JCAD: variants seen among roughly 807,000 people sequenced by gnomAD.
JCAD encodes the protein junctional cadherin 5-associated protein.
A neutral mutation model predicts 98.0 loss-of-function variants in JCAD; 40 were observed. The ratio of observed to expected loss-of-function variants is 0.41; its 90% CI spans 0.32 to 0.53. JCAD has a LOEUF of 0.53. JCAD is among the 20% of genes least tolerant of loss of function. JCAD has a pLI of 0.31. For missense variants in JCAD, 1,705 were observed against 1,738.1 expected (o/e 0.98, Z 0.34); for synonymous variants, 691 against 682.3 (o/e 1.01, Z -0.20).
At chr10:30,108,312 TA>T (rs59735299) in intron 1 of JCAD, among the ~76,000 whole-genome samples, 37,293 of 141,988 alleles carry the variant, frequency 0.26, 4,937 homozygotes, top group East Asian at 0.34. Context: ...AACTCCATAT[TA>T]AAAAAAAAAA....
chr10:30,086,449 G>A (rs1425764144), intron 1 of JCAD, among the ~76,000 whole-genome samples: 1 of 152,228 alleles, frequency 6.6e-6, no homozygotes, highest in Non-Finnish European at 1.5e-5. Flanking sequence ...CCTACAGGAT[G>A]ATGTCAGTTG....
Position 30,026,661 on chromosome 10 carries a change from T to C in JCAD, c.3487A>G (p.Arg1163Gly), listed in dbSNP as rs1194392935. ...TGAGGAGCCCGCCTGGCACTGTCCC[T>C]GTCCCCTACAAAGAGAGGGCTCTTG... ...WTKSPLFVGD[R>G]DSARRAPQAF... The change falls in exon 3 of 4, where the codon AGG (arginine) becomes GGG (glycine). Residue 1163 changes from arginine to glycine, a missense_variant. Arg to Gly is a moderately radical substitution (Grantham distance 125, BLOSUM62 -2). Coordinates refer to ENST00000375377, the MANE Select transcript of JCAD (RefSeq NM_020848.4). 6.2e-7 allele frequency: 1 copy of C among 1,613,268 alleles called. No individual in the cohort carries two copies. The highest frequency in any genetic ancestry group is 8.5e-7 in the Non-Finnish European group (1 of 1,180,032).
chr10:30,064,828 C>T lies in JCAD; in HGVS notation n.250+4872G>A, dbSNP rs895682481. On this transcript the variant is annotated intron_variant and non_coding_transcript_variant, in intron 2 of 2. Transcript: ENST00000465712. ...CTGGGATTACAGGCACGTGCCACCA[C>T]GCCTGGTTAATTTTTGTATTTTTAG... Among the ~76,000 whole-genome samples the T allele has an allele frequency of 1.2e-4, 19 of 152,160 alleles. 1 individual carries two copies. The highest frequency in any genetic ancestry group is 1.2e-3 in the South Asian group (6 of 4,824).
At chr10:30,077,923 T>A (rs1303866600) in intron 1 of JCAD, among the ~76,000 whole-genome samples, 3 of 152,256 alleles carry the variant, frequency 2.0e-5, no homozygotes, top group Non-Finnish European at 4.4e-5. Context: ...TTGGGCTATA[T>A]ACCTAGAAGT....
At position 30,042,469 on chromosome 10, in the gene JCAD, C is replaced by T. The variant is rs552151536; in HGVS notation, c.281+5063G>A. On this transcript the variant is annotated intron_variant, in intron 2 of 3. Coordinates refer to ENST00000375377, the MANE Select transcript of JCAD (RefSeq NM_020848.4). ...TCAACTAAGAGATGCGGGCAGTTGA[C>T]AGCAGTGGGTTCTGAAGCTAAGCCA... Among the ~76,000 whole-genome samples, 3 of 152,274 alleles carry T rather than the reference C, an allele frequency of 2.0e-5. No homozygotes were observed. The East Asian group carries it at 5.8e-4, about 29-fold the overall frequency.
chr10:30,067,803 T>G (rs2132667431), intron 2 of JCAD, among the ~76,000 whole-genome samples: 1 of 152,316 alleles, frequency 6.6e-6, no homozygotes, highest in South Asian at 2.1e-4. Flanking sequence ...GTTAGGTGAT[T>G]TCATTGTTGT....
chr10:30,023,734 T>TA lies in JCAD; in HGVS notation c.4045+2368dup, dbSNP rs112357903. Among the ~76,000 whole-genome samples the TA allele has an allele frequency of 3.2e-3, 472 of 148,856 alleles. 3 individuals are homozygous for TA. The highest frequency in any genetic ancestry group is 0.011 in the African/African-American group (441 of 40,644). ...TTTTCTGCTTGTTAGTAGCAGTGGTTAAAAAAAAAACCCAAAAACGTCATG... is the reference window on the plus strand; with the variant it reads ...TTTTCTGCTTGTTAGTAGCAGTGGTTAAAAAAAAAAACCCAAAAACGTCATG... On this transcript the variant is annotated intron_variant, in intron 3 of 3. Transcript: ENST00000375377.
intron 1 of JCAD, among the ~76,000 whole-genome samples, chr10:30,083,756 G>C (rs995022558): frequency 6.6e-6 from 1 of 152,144 alleles, no homozygotes; most frequent in South Asian, 2.1e-4. Context: ...GGCTGGGCGC[G>C]ATACTCATGC....
intron 1 of JCAD, among the ~76,000 whole-genome samples, chr10:30,105,114 G>T (rs928668584): frequency 6.6e-6 from 1 of 152,180 alleles, no homozygotes; most frequent in Non-Finnish European, 1.5e-5. Flanking sequence ...ATTCCTAAAT[G>T]CACCCTCTTC....
At position 30,028,913 on chromosome 10, in the gene JCAD, C is replaced by G. The variant is rs201825224; in HGVS notation, c.1235G>C (p.Arg412Pro). 6.2e-7 allele frequency: 1 copy of G among 1,614,046 alleles called. No homozygotes were observed. Among genetic ancestry groups the G allele is most frequent in the Admixed American group, 1.7e-5 (1 of 60,012 alleles). Reference sequence around the variant, plus strand: ...GAAGCCGTCATAGGCAGTGACAGGTCGGGGATGTGCGGGGAGCCCCTGAGG... The same window carrying G: ...GAAGCCGTCATAGGCAGTGACAGGTGGGGGATGTGCGGGGAGCCCCTGAGG... ...RLPQGLPAHP[R>P]PVTAYDGFVQ... Residue 412 changes from arginine (R) to proline (P), a missense_variant, in exon 3 of 4, where the codon CGA becomes CCA. This residue lies in a region of JCAD where 1,278 missense variants were observed against 1,243.1 expected (regional missense o/e 1.03). Transcript: ENST00000375377.
chr10:30,071,183 G>T (rs1380414397), intron 1 of JCAD, among the ~76,000 whole-genome samples: 1 of 152,166 alleles, frequency 6.6e-6, no homozygotes, highest in African/African-American at 2.4e-5. Context: ...GGGATTACAG[G>T]CATAAGCCAC....
rs1183917587 is a variant in JCAD, at chr10:30,059,366, G to T, written c.-60+116C>A. 1 of 151,490 alleles carries T rather than the reference G, an allele frequency of 6.6e-6. No individual in the cohort carries two copies. Among genetic ancestry groups the T allele is most frequent in the Non-Finnish European group, 1.5e-5 (1 of 67,922 alleles). 9.4% of individuals were successfully genotyped at this position (151,490 alleles called of 1,614,324 possible). A position where few individuals can be genotyped will look rare whatever the true frequency, so the allele number is the denominator to read the frequency against. On this transcript the variant is annotated intron_variant, in intron 1 of 3. Coordinates refer to ENST00000375377, the MANE Select transcript of JCAD (RefSeq NM_020848.4). The surrounding 1 kb of genome is among the most constrained non-coding windows in gnomAD (Gnocchi z 5.0). ...CCAGGGTGGCTGGAACCGGAGCGAC[G>T]TCCCAGCTGGAGAAGTTGGGGGGAG...
intron 1 of JCAD, among the ~76,000 whole-genome samples, chr10:30,092,156 C>G (rs1376065241): frequency 9.0e-6 from 1 of 110,668 alleles, no homozygotes; most frequent in Non-Finnish European, 1.7e-5. Context: ...GCAAGAAGTT[C>G]TTTAAAGTTT....
intron 2 of JCAD, among the ~76,000 whole-genome samples, chr10:30,069,544 C>T (rs964395140): frequency 2.6e-5 from 4 of 151,852 alleles, no homozygotes; most frequent in African/African-American, 4.8e-5. Flanking sequence ...TGAGATCACA[C>T]CACTGCACTC....
chr10:30,033,177 C>T (rs959585975), intron 2 of JCAD, among the ~76,000 whole-genome samples: 4 of 152,142 alleles, frequency 2.6e-5, no homozygotes, highest in Non-Finnish European at 5.9e-5. Flanking sequence ...GAAATGTGAA[C>T]CTAAAACGCT....
Position 30,027,940 on chromosome 10 carries a change from G to C in JCAD, c.2208C>G (p.Phe736Leu), listed in dbSNP as rs770620720. The C allele has an allele frequency of 9.5e-5, 154 of 1,614,232 alleles. No homozygotes were observed. In the East Asian group the frequency reaches 3.4e-3, roughly 36 times the overall value. Reference protein sequence around the residue: ...AASEAQTHTAFPTGDHKQRPS... With the variant: ...AASEAQTHTALPTGDHKQRPS... ...GCCTCTGTTTGTGATCACCGGTAGG[G>C]AATGCTGTGTGCGTCTGAGCTTCGG... Residue 736 changes from phenylalanine (F) to leucine (L), a missense_variant, in exon 3 of 4, where the codon TTC (phenylalanine) becomes TTG (leucine). Transcript: ENST00000375377.
chr10:30,068,734 C>T (rs1837830184), intron 2 of JCAD, among the ~76,000 whole-genome samples: 1 of 152,238 alleles, frequency 6.6e-6, no homozygotes, highest in Non-Finnish European at 1.5e-5. Flanking sequence ...CAACCACCTC[C>T]TTATCTGACT....
At chr10:30,063,895 C>T (rs1007953533), upstream of JCAD, among the ~76,000 whole-genome samples, 2 of 151,900 alleles carry the variant, frequency 1.3e-5, no homozygotes, top group East Asian at 1.9e-4. Flanking sequence ...GCAACCTCCG[C>T]GTCAGGGTTC....
chr10:30,081,410 G>C (rs1454315988), intron 1 of JCAD, among the ~76,000 whole-genome samples: 1 of 152,132 alleles, frequency 6.6e-6, no homozygotes, highest in Non-Finnish European at 1.5e-5. Flanking sequence ...TGAAGGCGTA[G>C]AGCTGAATCT....
Sources: allele counts gnomAD v4.1 joint callset (sites outside exome capture counted in the v4.1 genomes callset), GRCh38; gene constraint gnomAD v4.1.1; regional missense constraint gnomAD v4.1.1; non-coding constraint Gnocchi (gnomAD v3.1); transcripts MANE v1.5; gene names NCBI Gene and HGNC (gene_info 2026-07-23, HGNC 2026-07-21).